ANKFY1: variants seen among roughly 807,000 people sequenced by gnomAD.
The protein encoded by ANKFY1 is ankyrin repeat and FYVE domain containing 1.
ANKFY1 carries 47 observed loss-of-function variants against 128.3 expected under a neutral mutation model. That is an observed-to-expected ratio of 0.37 (90% CI 0.29 to 0.47). The LOEUF (loss-of-function observed/expected upper bound fraction) is 0.47. Among genes scored for constraint, ANKFY1 ranks in the 20% least tolerant of loss-of-function variants. The pLI, the probability that ANKFY1 is intolerant of heterozygous loss-of-function variation, is 1.00. For missense variants in ANKFY1, 1,222 were observed against 1,510.6 expected, an observed-to-expected ratio of 0.81 and a Z score of 3.17; for synonymous variants, 553 against 601.6, an observed-to-expected ratio of 0.92 and a Z score of 1.18.
chr17:4,168,242 C>T (rs1306161082), intron 24 of ANKFY1: 1 of 169,946 alleles, frequency 5.9e-6, no homozygotes, highest in Non-Finnish European at 1.2e-5. Flanking sequence ...CACTTGAGGG[C>T]ACGGGTTTCA....
rs1420033896 is a variant in ANKFY1, at chr17:4,173,380, T to G, written c.2988A>C (p.Thr996=). Residue 996 remains threonine (T), a synonymous_variant, in exon 21 of 25, where the codon ACA becomes ACC. Transcript: ENST00000341657. The stretch of plus-strand genomic sequence containing the variant: ...TGAGATTAAAGGCTTCGGCGTCCAC[T>G]GTGCACTCTGTCAGGAGAACCCGGA... ...NNIRVLLTEC[T]VDAEAFNLRG... 5 of 1,614,058 alleles carry G rather than the reference T, an allele frequency of 3.1e-6. No homozygotes were observed. In the Admixed American group the frequency reaches 6.7e-5, roughly 22 times the overall value.
At chr17:4,237,932 A>G (rs1966990928) in intron 2 of ANKFY1, among the ~76,000 whole-genome samples, 1 of 152,184 alleles carries the variant, frequency 6.6e-6, no homozygotes, top group Non-Finnish European at 1.5e-5. Flanking sequence ...ACACTTCAAT[A>G]GGAAAAACTA....
intron 7 of ANKFY1, among the ~76,000 whole-genome samples, chr17:4,198,116 CA>C (rs1405540173): frequency 6.8e-6 from 1 of 147,716 alleles, no homozygotes; most frequent in East Asian, 2.0e-4. Flanking sequence ...GGATTAAGAG[CA>C]AAACTCCGTC....
At chr17:4,241,528 C>T (rs1967224789) in intron 2 of ANKFY1, among the ~76,000 whole-genome samples, 1 of 151,692 alleles carries the variant, frequency 6.6e-6, no homozygotes, top group African/African-American at 2.4e-5. Context: ...CCCACCTCGG[C>T]CTCCCAAAGT....
At position 4,214,082 on chromosome 17, in the gene ANKFY1, C is replaced by G. The variant is rs769070423; in HGVS notation, c.458+2901G>C. 7.9e-5 allele frequency among the ~76,000 whole-genome samples: 12 copies of G among 152,184 alleles called. 1 individual carries two copies. Among genetic ancestry groups the G allele is most frequent in the African/African-American group, 4.8e-5 (2 of 41,438 alleles). On this transcript the variant is annotated intron_variant, in intron 4 of 24. Coordinates refer to ENST00000341657, the MANE Select transcript of ANKFY1 (RefSeq NM_001330063.2). The stretch of plus-strand genomic sequence containing the variant: ...ATCTGCCTTCCTAACATCCTAACAC[C>G]AGGCAGCCTAATACACAGTATGATC...
chr17:4,224,324 G>A (rs1480200092), intron 3 of ANKFY1, among the ~76,000 whole-genome samples: 5 of 141,300 alleles, frequency 3.5e-5, no homozygotes, highest in East Asian at 2.3e-4. Flanking sequence ...CGGGGTTCAC[G>A]CCATTCTCCC....
At chr17:4,245,761 A>AAAAAAAC (rs758076180) in intron 1 of ANKFY1, among the ~76,000 whole-genome samples, 2 of 140,518 alleles carry the variant, frequency 1.4e-5, no homozygotes, top group Admixed American at 7.2e-5. Context: ...AAAAAAAAAA[A>AAAAAAAC]CAACCAGCCA....
At chr17:4,172,080 C>T (rs959584422) in intron 22 of ANKFY1, among the ~76,000 whole-genome samples, 3 of 152,224 alleles carry the variant, frequency 2.0e-5, no homozygotes, top group Non-Finnish European at 2.9e-5. Context: ...ACAGTGATCA[C>T]GGGTACCCAG....
At chr17:4,225,103 C>G (rs1200751367) in intron 3 of ANKFY1, among the ~76,000 whole-genome samples, 1 of 151,628 alleles carries the variant, frequency 6.6e-6, no homozygotes, top group African/African-American at 2.4e-5. Context: ...CACCTGTAAT[C>G]CCAGAACTCT....
At chr17:4,190,564 T>G (rs2059699698) in intron 10 of ANKFY1, among the ~76,000 whole-genome samples, 1 of 152,238 alleles carries the variant, frequency 6.6e-6, no homozygotes, top group Non-Finnish European at 1.5e-5. Flanking sequence ...TTAAGTCCTA[T>G]TAGAAAATGC....
At chr17:4,194,013 C>T (rs1413811842) in intron 10 of ANKFY1, among the ~76,000 whole-genome samples, 1 of 150,996 alleles carries the variant, frequency 6.6e-6, no homozygotes, top group Non-Finnish European at 1.5e-5. Context: ...CGGCCTCAGC[C>T]TCCCAAAGTG....
chr17:4,212,135 G>A (rs1364810887), intron 4 of ANKFY1, among the ~76,000 whole-genome samples: 5 of 152,114 alleles, frequency 3.3e-5, no homozygotes, highest in Non-Finnish European at 5.9e-5. Context: ...CACCTCCCTC[G>A]CCTCCACTGC....
chr17:4,181,421 C>G lies in ANKFY1; in HGVS notation c.2122-49G>C. The G allele has an allele frequency of 1.5e-6, 2 of 1,357,844 alleles. No individual in the cohort carries two copies. The highest frequency in any genetic ancestry group is 2.1e-6 in the Non-Finnish European group (2 of 946,956). 84.1% of individuals were successfully genotyped at this position (1,357,844 alleles called of 1,614,324 possible). ...ACAAACACTGCTGAGCAAAGGCAAA[C>G]AGTTTTATTACCAAGTCTGAGCTCT... On this transcript the variant is annotated intron_variant, in intron 15 of 24. Coordinates refer to ENST00000341657, the MANE Select transcript of ANKFY1 (RefSeq NM_001330063.2). The surrounding 1 kb of genome is among the most constrained non-coding windows in gnomAD (Gnocchi z 4.9).
At position 4,210,708 on chromosome 17, in the gene ANKFY1, CAAAAAAAAA is replaced by C. The variant is rs371731375; in HGVS notation, c.459-770_459-762del. Among the ~76,000 whole-genome samples the C allele has an allele frequency of 2.1e-4, 9 of 42,458 alleles. No homozygotes were observed. In the South Asian group the frequency reaches 0.011, roughly 53 times the overall value. The allele number at this position is 42,458 out of a possible 152,430, so 27.9% of individuals were successfully genotyped here. On this transcript the variant is annotated intron_variant, in intron 4 of 24. Transcript: ENST00000341657. ...GGGCGACAAAGGCAAAACTCTGTCG[CAAAAAAAAA>C]AAAAAAAAAAAAAAAGCTCTCCTAT...
chr17:4,207,054 T>G (rs1393641940), intron 6 of ANKFY1, among the ~76,000 whole-genome samples: 1 of 152,072 alleles, frequency 6.6e-6, no homozygotes, highest in African/African-American at 2.4e-5. Flanking sequence ...TTTGAGGATG[T>G]GATTAAGGAC....
intron 23 of ANKFY1, 148 bp downstream of exon 23, chr17:4,170,567 A>G: frequency 8.7e-7 from 1 of 1,152,126 alleles, no homozygotes; most frequent in South Asian, 1.6e-5. Context: ...TCCTTCCCTT[A>G]TTCAGAGAAA....
chr17:4,196,101 C>A (rs567333583), intron 8 of ANKFY1, among the ~76,000 whole-genome samples: 2 of 126,360 alleles, frequency 1.6e-5, no homozygotes, highest in African/African-American at 6.1e-5. Context: ...CCACCTCCCC[C>A]CAAAAACACA....
At position 4,167,592 on chromosome 17, in the gene ANKFY1, C is replaced by T; in HGVS notation, c.*187G>A. The stretch of plus-strand genomic sequence containing the variant: ...TCTAGTGAAATCGATCACAGTCTGA[C>T]ACACACACTGACAATCATATGGAAT... On this transcript the variant is annotated 3_prime_UTR_variant, in exon 25 of 25. Coordinates refer to ENST00000341657, the MANE Select transcript of ANKFY1 (RefSeq NM_001330063.2). The surrounding 1 kb of genome is among the most constrained non-coding windows in gnomAD (Gnocchi z 4.1). 1 of 546,740 alleles carries T rather than the reference C, an allele frequency of 1.8e-6. No individual in the cohort carries two copies. The highest frequency in any genetic ancestry group is 3.0e-6 in the Non-Finnish European group (1 of 329,572). 33.9% of individuals were successfully genotyped at this position (546,740 alleles called of 1,614,324 possible). A position where few individuals can be genotyped will look rare whatever the true frequency, so the allele number is the denominator to read the frequency against.
chr17:4,262,999 C>A (rs1968504409), intron 1 of ANKFY1, among the ~76,000 whole-genome samples: 2 of 152,096 alleles, frequency 1.3e-5, no homozygotes, highest in Non-Finnish European at 2.9e-5. Flanking sequence ...ACACTGCAGT[C>A]ACTCAATAAA....
Sources: allele counts gnomAD v4.1 joint callset (sites outside exome capture counted in the v4.1 genomes callset), GRCh38; gene constraint gnomAD v4.1.1; non-coding constraint Gnocchi (gnomAD v3.1); transcripts MANE v1.5; gene names NCBI Gene and HGNC (gene_info 2026-07-23, HGNC 2026-07-21).